Variants in SLC18A2 observed in about 807,000 individuals in gnomAD.
The protein encoded by SLC18A2 is synaptic vesicular amine transporter.
A neutral mutation model predicts 59.2 loss-of-function variants in SLC18A2; 33 were observed. The ratio of observed to expected loss-of-function variants is 0.56; its 90% CI spans 0.42 to 0.75. The LOEUF (loss-of-function observed/expected upper bound fraction) is 0.75. Ranked by LOEUF, SLC18A2 falls within the 30% of genes least tolerant of loss-of-function variation. The pLI, the probability that SLC18A2 is intolerant of heterozygous loss-of-function variation, is 0.00. For synonymous variants in SLC18A2, 228 were observed against 253.5 expected, an observed-to-expected ratio of 0.90 and a Z score of 0.95; for missense variants, 569 against 668.6, an observed-to-expected ratio of 0.85 and a Z score of 1.64.
chr10:117,250,978 G>A (rs1011346160), intron 3 of SLC18A2, among the ~76,000 whole-genome samples: 2 of 152,166 alleles, frequency 1.3e-5, no homozygotes, highest in Admixed American at 1.3e-4. Flanking sequence ...GTTTTGTCCT[G>A]AAACCACCCA....
rs760818617 is a variant in SLC18A2 at position 117,254,394 on chromosome 10, T to C, written c.608-11T>C. On this transcript the variant is annotated splice_polypyrimidine_tract_variant and intron_variant, in intron 5 of 15. Transcript: ENST00000644641. ...GGAGCTGGCCTGTTGACTATTTCTTTCCCTGTGTAGGGATGGGCATGCTTG... is the reference window on the plus strand; with the variant it reads ...GGAGCTGGCCTGTTGACTATTTCTTCCCCTGTGTAGGGATGGGCATGCTTG... 3 of 1,561,540 alleles carry C rather than the reference T, an allele frequency of 1.9e-6. No homozygotes were observed. Among genetic ancestry groups the C allele is most frequent in the Middle Eastern group, 1.7e-4 (1 of 5,824 alleles).
intron 13 of SLC18A2, among the ~76,000 whole-genome samples, chr10:117,268,997 AAC>A (rs1199867830): frequency 5.3e-4 from 4 of 7,584 alleles, no homozygotes; most frequent in African/African-American, 9.7e-4. Flanking sequence ...CATACACACA[AAC>A]ACACATACAC....
In SLC18A2 at chr10:117,262,931, T is replaced by C. The variant is rs143889718; in HGVS notation, c.992-3802T>C. 5.3e-3 allele frequency among the ~76,000 whole-genome samples: 809 copies of C among 152,260 alleles called. 8 individuals carry two copies. The highest frequency in any genetic ancestry group is 0.019 in the African/African-American group (782 of 41,558). On this transcript the variant is annotated intron_variant, in intron 10 of 15. Coordinates refer to ENST00000644641, the MANE Select transcript of SLC18A2 (RefSeq NM_003054.6). ...ATCCTCTTCAGACAAAGCCTGAGGC[T>C]TTCTTTATAAAATCTTTAAAGTCAG...
intron 12 of SLC18A2, 134 bp from the exon 13 acceptor site, chr10:117,267,539 C>A: frequency 1.7e-6 from 1 of 593,634 alleles, no homozygotes; most frequent in Non-Finnish European, 2.9e-6. Context: ...ACAAACCCCA[C>A]CCTTCTTCCT....
intron 13 of SLC18A2, chr10:117,268,000 G>A (rs1844368611): frequency 2.7e-6 from 1 of 370,052 alleles, no homozygotes; most frequent in Non-Finnish European, 5.1e-6. Context: ...GCTGGGGCTG[G>A]GCAAACAAAG....
intron 10 of SLC18A2, among the ~76,000 whole-genome samples, chr10:117,260,277 G>GC (rs1389181429): frequency 1.3e-5 from 2 of 152,206 alleles, no homozygotes; most frequent in African/African-American, 4.8e-5. Context: ...CAGCCTCTCT[G>GC]CCTGCTTTCA....
At chr10:117,277,064 A>G in intron 15 of SLC18A2, 98 bp from the exon 16 acceptor site, 1 of 692,278 alleles carries the variant, frequency 1.4e-6, no homozygotes, top group Admixed American at 2.8e-5. Context: ...GTAATACTAC[A>G]TAGTTTTCAA....
At chr10:117,253,337 A>G in intron 3 of SLC18A2, 62 bp from the exon 4 acceptor site, 1 of 1,260,838 alleles carries the variant, frequency 7.9e-7, no homozygotes. Context: ...GCGAAAATCA[A>G]TATAAAGCCT....
chr10:117,260,329 G>A (rs553552133), intron 10 of SLC18A2, among the ~76,000 whole-genome samples: 7 of 152,322 alleles, frequency 4.6e-5, no homozygotes, highest in African/African-American at 7.2e-5. Context: ...CACAGTACCC[G>A]AAGCTTCAGT....
intron 6 of SLC18A2, 61 bp downstream of exon 6, chr10:117,254,558 G>T: frequency 1.6e-6 from 2 of 1,263,552 alleles, no homozygotes; most frequent in Non-Finnish European, 2.2e-6. Context: ...CTGGACAGCG[G>T]CAGTCCTCGC....
At chr10:117,254,322 G>A in intron 5 of SLC18A2, 83 bp from the exon 6 acceptor site, 6 of 1,290,502 alleles carry the variant, frequency 4.6e-6, no homozygotes, top group Non-Finnish European at 6.5e-6. Context: ...TCACAAGGCT[G>A]GCTGGAGAGG....
At chr10:117,241,581 T>C in intron 1 of SLC18A2, 98 bp from the exon 2 acceptor site, 1 of 1,287,484 alleles carries the variant, frequency 7.8e-7, no homozygotes, top group Non-Finnish European at 1.0e-6. Flanking sequence ...CGGATGCCGG[T>C]GCGCGCGGCT....
At chr10:117,264,522 C>G (rs1003410226) in intron 10 of SLC18A2, among the ~76,000 whole-genome samples, 12 of 152,320 alleles carry the variant, frequency 7.9e-5, no homozygotes, top group East Asian at 3.9e-4. Context: ...TCTTCCAATA[C>G]TGGAACTGCA....
chr10:117,277,233 G>A lies in SLC18A2; in HGVS notation c.1512G>A (p.Pro504=), dbSNP rs758496802. Residue 504 remains proline, a synonymous_variant, in exon 16 of 16, where the codon CCG becomes CCA. Coordinates refer to ENST00000644641, the MANE Select transcript of SLC18A2 (RefSeq NM_003054.6). Reference sequence around the variant, plus strand: ...CTCAGAATAATATCCAGTCATATCCGATAGGTGAAGATGAAGAATCTGAAA... The same window carrying A: ...CTCAGAATAATATCCAGTCATATCCAATAGGTGAAGATGAAGAATCTGAAA... ...MYTQNNIQSY[P]IGEDEESESD 1.6e-5 allele frequency: 25 copies of A among 1,609,308 alleles called. No individual in the cohort carries two copies. The highest frequency in any genetic ancestry group is 2.0e-5 in the Non-Finnish European group (23 of 1,176,528).
chr10:117,262,366 T>C (rs1372762191), intron 10 of SLC18A2, among the ~76,000 whole-genome samples: 2 of 152,178 alleles, frequency 1.3e-5, no homozygotes, highest in African/African-American at 4.8e-5. Flanking sequence ...GCAGCCAAGA[T>C]GAAAGTGGAA....
intron 4 of SLC18A2, 46 bp downstream of exon 4, chr10:117,253,503 G>A: frequency 2.3e-6 from 3 of 1,303,982 alleles, no homozygotes; most frequent in Non-Finnish European, 3.3e-6. Flanking sequence ...TCATCAGGGT[G>A]GGCATTGATG....
rs1318093666 is a variant in SLC18A2 at position 117,244,119 on chromosome 10, G to A, written c.270G>A (p.Gly90=). The change falls in exon 3 of 16, where the codon GGG becomes GGA. Residue 90 remains glycine (G), a synonymous_variant. Coordinates refer to ENST00000644641, the MANE Select transcript of SLC18A2 (RefSeq NM_003054.6). ...SYYDNSTMVT[G]NATRDLTLHQ... is the part of the protein sequence containing the mutation. ...ATGATAACTCGACTATGGTCACCGG[G>A]AATGCTACCAGAGACCTGACACTTC... The A allele has an allele frequency of 1.9e-6, 3 of 1,614,208 alleles. No individual in the cohort carries two copies. The Admixed American group carries it at 5.0e-5, about 27-fold the overall frequency.
intron 10 of SLC18A2, among the ~76,000 whole-genome samples, chr10:117,262,722 T>A (rs1844308101): frequency 1.3e-5 from 2 of 151,942 alleles, no homozygotes; most frequent in Admixed American, 6.6e-5. Flanking sequence ...CAGGCTGGAG[T>A]GCTCTGGTGT....
intron 7 of SLC18A2, 36 bp downstream of exon 7, chr10:117,255,402 T>C: frequency 1.2e-6 from 2 of 1,613,984 alleles, no homozygotes; most frequent in South Asian, 1.1e-5. Flanking sequence ...GCCATGACCT[T>C]GGCATCGTGC....
Sources: allele counts gnomAD v4.1 joint callset (sites outside exome capture counted in the v4.1 genomes callset), GRCh38; gene constraint gnomAD v4.1.1; transcripts MANE v1.5; gene names NCBI Gene and HGNC (gene_info 2026-07-23, HGNC 2026-07-21).